TOX: variants seen among roughly 807,000 people sequenced by gnomAD.
The protein encoded by TOX is thymocyte selection-associated high mobility group box protein TOX.
Under a neutral mutation model 53.7 loss-of-function variants are expected in TOX, and 11 were observed. The ratio of observed to expected loss-of-function variants is 0.20; its 90% CI spans 0.13 to 0.34. TOX has a LOEUF of 0.34. Ranked by LOEUF, TOX falls within the 10% of genes least tolerant of loss-of-function variation. TOX has a pLI of 1.00. For synonymous variants in TOX, 225 were observed against 245.3 expected (o/e 0.92, Z 0.77); for missense variants, 570 against 664.6 (o/e 0.86, Z 1.56).
intron 7 of TOX, 152 bp downstream of exon 7, chr8:58,815,186 T>C: frequency 9.8e-7 from 1 of 1,019,676 alleles, no homozygotes; most frequent in Middle Eastern, 3.3e-4. Flanking sequence ...AAAGCAGATA[T>C]TTGTTGAATA....
rs1810819170 is a variant in TOX, at chr8:58,851,392, A to G, written c.693+132T>C. On this transcript the variant is annotated intron_variant, in intron 4 of 8. Coordinates refer to ENST00000361421, the MANE Select transcript of TOX (RefSeq NM_014729.3). The surrounding 1 kb of genome is among the most constrained non-coding windows in gnomAD (Gnocchi z 4.4). ...TTTAATCCAGTATGTTTGTAACCTC[A>G]TGCTTCATTAACAAAGCAGGTGTCT... 9.8e-7 allele frequency: 1 copy of G among 1,018,896 alleles called. No individual in the cohort carries two copies. Among genetic ancestry groups the G allele is most frequent in the East Asian group, 2.6e-5 (1 of 38,982 alleles). 63.1% of individuals were successfully genotyped at this position (1,018,896 alleles called of 1,614,324 possible).
chr8:58,986,638 C>T (rs540075670), intron 1 of TOX, among the ~76,000 whole-genome samples: 2 of 152,268 alleles, frequency 1.3e-5, no homozygotes, highest in African/African-American at 4.8e-5. Flanking sequence ...GTATTGTGCT[C>T]CAGCAGGTAA....
intron 3 of TOX, among the ~76,000 whole-genome samples, chr8:58,855,692 A>G (rs1585862523): frequency 1.3e-5 from 2 of 152,182 alleles, no homozygotes; most frequent in Non-Finnish European, 1.5e-5. Flanking sequence ...AAATTCTCCA[A>G]TGACATCTGT....
intron 1 of TOX, among the ~76,000 whole-genome samples, chr8:59,000,717 A>G (rs1813675472): frequency 6.6e-6 from 1 of 152,190 alleles, no homozygotes; most frequent in Admixed American, 6.5e-5. Context: ...TTGAGAATTG[A>G]AAACTTCTGT....
chr8:58,989,599 C>T (rs1364512712), intron 1 of TOX, among the ~76,000 whole-genome samples: 2 of 152,146 alleles, frequency 1.3e-5, no homozygotes, highest in Non-Finnish European at 2.9e-5. Flanking sequence ...TAGCAAAAGA[C>T]CATATGCTAT....
At chr8:58,860,945 C>G (rs2122015) in intron 3 of TOX, among the ~76,000 whole-genome samples, 18,393 of 152,176 alleles carry the variant, frequency 0.12, 1,970 homozygotes, top group African/African-American at 0.29. Flanking sequence ...GAGGTTATGG[C>G]GTATAGCGTT....
chr8:58,855,519 A>G (rs918682455), intron 3 of TOX, among the ~76,000 whole-genome samples: 3 of 152,146 alleles, frequency 2.0e-5, no homozygotes, highest in African/African-American at 7.2e-5. Context: ...CTACCCTGAA[A>G]CATCAATTAT....
At chr8:59,048,202 A>G (rs1012893232) in intron 1 of TOX, among the ~76,000 whole-genome samples, 2 of 152,200 alleles carry the variant, frequency 1.3e-5, no homozygotes, top group African/African-American at 4.8e-5. Flanking sequence ...AGCAAAGAAA[A>G]TATCTTTATA....
intron 3 of TOX, 78 bp downstream of exon 3, chr8:58,939,224 C>T (rs1812393575): frequency 1.9e-6 from 3 of 1,545,390 alleles, no homozygotes; most frequent in Non-Finnish European, 2.6e-6. Flanking sequence ...ATCACAATGC[C>T]AGGCCCTCGC....
At chr8:59,023,804 T>A (rs933973575) in intron 1 of TOX, among the ~76,000 whole-genome samples, 2 of 152,106 alleles carry the variant, frequency 1.3e-5, no homozygotes, top group Non-Finnish European at 2.9e-5. Flanking sequence ...TCTAAAAAAA[T>A]GTCATACCCT....
At chr8:58,963,335 A>ATAGATAGATAGG (rs1554533774) in intron 1 of TOX, among the ~76,000 whole-genome samples, 3 of 152,062 alleles carry the variant, frequency 2.0e-5, no homozygotes, top group African/African-American at 7.2e-5. Context: ...AGATAGATAG[A>ATAGATAGATAGG]TAGATAGGTA....
At chr8:58,870,810 A>G (rs1811184174) in intron 3 of TOX, among the ~76,000 whole-genome samples, 1 of 152,128 alleles carries the variant, frequency 6.6e-6, no homozygotes, top group Non-Finnish European at 1.5e-5. Flanking sequence ...TTGGTGCTGG[A>G]AGATTGGAAT....
intron 3 of TOX, among the ~76,000 whole-genome samples, chr8:58,882,061 G>A (rs967700581): frequency 5.3e-5 from 8 of 152,152 alleles, no homozygotes; most frequent in African/African-American, 1.9e-4. Context: ...ATGTAATTGT[G>A]CAATTGTGAC....
intron 3 of TOX, among the ~76,000 whole-genome samples, chr8:58,922,177 T>A (rs1367553552): frequency 2.7e-5 from 4 of 147,884 alleles, no homozygotes; most frequent in African/African-American, 9.7e-5. Flanking sequence ...TAAGCCAGTA[T>A]CCCTGGTGCC....
intron 1 of TOX, among the ~76,000 whole-genome samples, chr8:59,106,524 G>C (rs1460676673): frequency 6.6e-6 from 1 of 152,102 alleles, no homozygotes; most frequent in East Asian, 1.9e-4. Flanking sequence ...TTTCACTTAA[G>C]AAATGAATAA....
At chr8:58,807,827 T>A (rs751905177) in intron 8 of TOX, 44 bp from the exon 9 acceptor site, 2 of 1,612,070 alleles carry the variant, frequency 1.2e-6, no homozygotes, top group African/African-American at 1.3e-5. Context: ...CAGGACAACC[T>A]GTGCTACAGG....
In TOX at chr8:58,923,719, C is replaced by G. The variant is rs191559315; in HGVS notation, c.411+15583G>C. On this transcript the variant is annotated intron_variant, in intron 3 of 8. Transcript: ENST00000361421. ...AGACACTGGAGGGCAGGAACTATTT[C>G]CATATTAATTTTTGTACTCCTGCTA... Among the ~76,000 whole-genome samples the G allele has an allele frequency of 2.6e-5, 4 of 152,232 alleles. No individual in the cohort carries two copies. The East Asian group carries it at 7.7e-4, about 29-fold the overall frequency.
intron 1 of TOX, among the ~76,000 whole-genome samples, chr8:59,058,044 C>T (rs1026231629): frequency 2.6e-5 from 4 of 152,148 alleles, no homozygotes; most frequent in African/African-American, 9.7e-5. Flanking sequence ...AACCAATATC[C>T]CTATCCTATT....
chr8:58,978,262 A>G (rs974508356), intron 1 of TOX, among the ~76,000 whole-genome samples: 1 of 152,214 alleles, frequency 6.6e-6, no homozygotes, highest in African/African-American at 2.4e-5. Flanking sequence ...AATAACCTTG[A>G]GAAACGGGAG....
Sources: allele counts gnomAD v4.1 joint callset (sites outside exome capture counted in the v4.1 genomes callset), GRCh38; gene constraint gnomAD v4.1.1; non-coding constraint Gnocchi (gnomAD v3.1); transcripts MANE v1.5; gene names NCBI Gene and HGNC (gene_info 2026-07-23, HGNC 2026-07-21).